Variants in EIF2AK4 observed in about 807,000 individuals in gnomAD.
EIF2AK4 encodes the protein eIF-2-alpha kinase GCN2.
Under a neutral mutation model 211.1 loss-of-function variants are expected in EIF2AK4, and 139 were observed. The observed-to-expected ratio is 0.66, with a 90% CI of 0.57 to 0.76. The LOEUF is 0.76. EIF2AK4 is among the 30% of genes least tolerant of loss of function. The probability of loss-of-function intolerance (pLI) is 0.00; values close to 1 mark genes in which losing one functional copy is unlikely to be tolerated. For missense variants in EIF2AK4, 1,664 were observed against 2,043.8 expected (o/e 0.81, Z 3.58); for synonymous variants, 710 against 751.3 (o/e 0.94, Z 0.90).
chr15:39,945,333 A>G (rs1014291130), intron 3 of EIF2AK4, among the ~76,000 whole-genome samples: 3 of 152,088 alleles, frequency 2.0e-5, no homozygotes, highest in African/African-American at 4.8e-5. Context: ...CCTCTTACCC[A>G]GTTTGCCCCG....
intron 2 of EIF2AK4, among the ~76,000 whole-genome samples, chr15:39,941,673 C>G (rs2034146572): frequency 6.6e-6 from 1 of 152,134 alleles, no homozygotes; most frequent in African/African-American, 2.4e-5. Flanking sequence ...GTTTCTCCAC[C>G]TTGGCACTAC....
At position 39,962,964 on chromosome 15, in the gene EIF2AK4, T is replaced by G. The variant is rs114306958; in HGVS notation, c.859+1065T>G. Among the ~76,000 whole-genome samples, 343 of 152,348 alleles carry G rather than the reference T, an allele frequency of 2.3e-3. 3 individuals are homozygous for G. The highest frequency in any genetic ancestry group is 7.9e-3 in the African/African-American group (329 of 41,586). On this transcript the variant is annotated intron_variant, in intron 7 of 38. Coordinates refer to ENST00000263791, the MANE Select transcript of EIF2AK4 (RefSeq NM_001013703.4). ...GCATATTTTTGCCAGAAGTAACAGGTAGCCAAATTATGTGAAATGAGTTTG... is the reference window on the plus strand; with the variant it reads ...GCATATTTTTGCCAGAAGTAACAGGGAGCCAAATTATGTGAAATGAGTTTG...
intron 26 of EIF2AK4, among the ~76,000 whole-genome samples, chr15:40,011,020 G>A (rs533561431): frequency 6.6e-6 from 1 of 152,250 alleles, no homozygotes; most frequent in African/African-American, 2.4e-5. Flanking sequence ...GTCCAGATTT[G>A]GGTCACCTCA....
At chr15:39,992,001 G>A (rs1482310067) in intron 16 of EIF2AK4, 174 bp from the exon 17 acceptor site, 8 of 525,070 alleles carry the variant, frequency 1.5e-5, no homozygotes, top group Non-Finnish European at 2.6e-5. Flanking sequence ...GGTTTTCTGA[G>A]AGCCTTGCAT....
chr15:39,953,578 G>A (rs489508), intron 4 of EIF2AK4, among the ~76,000 whole-genome samples: 44,821 of 152,138 alleles, frequency 0.29, 7,895 homozygotes, highest in Non-Finnish European at 0.41. Flanking sequence ...ATATCAAACA[G>A]GAGGAGCTAA....
intron 6 of EIF2AK4, among the ~76,000 whole-genome samples, chr15:39,960,678 G>A (rs1299065401): frequency 1.3e-5 from 2 of 152,054 alleles, no homozygotes; most frequent in African/African-American, 2.4e-5. Context: ...TTTATAGGCT[G>A]GTGGGAGGGA....
chr15:39,957,746 AG>A (rs2034411017), intron 6 of EIF2AK4, among the ~76,000 whole-genome samples: 1 of 152,304 alleles, frequency 6.6e-6, no homozygotes, highest in Non-Finnish European at 1.5e-5. Context: ...GGAGGGAGCC[AG>A]GGAGGGAAGA....
chr15:40,029,511 G>T (rs1479300502), intron 34 of EIF2AK4, 47 bp downstream of exon 34: 7 of 1,568,322 alleles, frequency 4.5e-6, no homozygotes, highest in South Asian at 1.1e-5. Context: ...TTATATGTTT[G>T]CTCTAAGCAC....
Position 39,972,968 on chromosome 15 carries a change from T to C in EIF2AK4, c.1614T>C (p.Phe538=). The change falls in exon 10 of 39, where the codon TTT becomes TTC. Residue 538 remains phenylalanine, a synonymous_variant. Transcript: ENST00000263791. The part of the protein sequence containing the change: ...WSPQQLLKHS[F]INPQPKMPLV... ...CCCAGCAGTTGTTGAAACACAGCTT[T>C]ATAAATCCCCAGCCAAAAATGCCTC... is the stretch of plus-strand genomic sequence containing the variant. 4 of 1,614,114 alleles carry C rather than the reference T, an allele frequency of 2.5e-6. No homozygotes were observed. Among genetic ancestry groups the C allele is most frequent in the Non-Finnish European group, 3.4e-6 (4 of 1,180,000 alleles).
chr15:40,016,848 T>G (rs567692662), intron 28 of EIF2AK4, among the ~76,000 whole-genome samples, 176 bp downstream of exon 28: 1 of 152,252 alleles, frequency 6.6e-6, no homozygotes, highest in Non-Finnish European at 1.5e-5. Flanking sequence ...TCAGGATTTC[T>G]TTGCAAGTGC....
rs1017168598 is a variant in EIF2AK4, at chr15:39,990,148, C to T, written c.2527-125C>T. 5.1e-5 allele frequency: 42 copies of T among 825,104 alleles called. No homozygotes were observed. The Admixed American group carries it at 5.5e-4, about 11-fold the overall frequency. 51.1% of individuals were successfully genotyped at this position (825,104 alleles called of 1,614,324 possible). ...TATTGCAGAGGCCAGACAGCCTGGA[C>T]CAGGGTGGTCTGTGGGAGAAGACCT... On this transcript the variant is annotated intron_variant, in intron 15 of 38. Transcript: ENST00000263791.
At chr15:39,968,733 A>G (rs2034578810) in intron 9 of EIF2AK4, among the ~76,000 whole-genome samples, 1 of 151,768 alleles carries the variant, frequency 6.6e-6, no homozygotes, top group South Asian at 2.1e-4. Context: ...TACCCTTCAC[A>G]TTTCTTTCCC....
Position 39,965,809 on chromosome 15 carries a change from A to G in EIF2AK4, c.983A>G (p.Gln328Arg). The G allele has an allele frequency of 6.2e-7, 1 of 1,614,094 alleles. No individual in the cohort carries two copies. Among genetic ancestry groups the G allele is most frequent in the Non-Finnish European group, 8.5e-7 (1 of 1,179,954 alleles). The change falls in exon 8 of 39, where the codon CAA (glutamine) becomes CGA (arginine). Residue 328 changes from glutamine (Q) to arginine (R), a missense_variant. Gln to Arg is a conservative substitution (Grantham distance 43). Transcript: ENST00000263791. ...QKKMGPFLTS[Q>R]EKEKIDKCKK... is the part of the protein sequence containing the mutation. Reference sequence around the variant, plus strand: ...AAAATGGGTCCATTCCTTACCAGTCAAGAAAAAGAGAAGATTGATAAGTGC... The same window carrying G: ...AAAATGGGTCCATTCCTTACCAGTCGAGAAAAAGAGAAGATTGATAAGTGC...
At position 39,949,253 on chromosome 15, in the gene EIF2AK4, G is replaced by A; in HGVS notation, c.498G>A (p.Arg166=). The A allele has an allele frequency of 6.2e-7, 1 of 1,614,054 alleles. No homozygotes were observed. The change falls in exon 4 of 39, where the codon CGG becomes CGA. Residue 166 remains arginine, a synonymous_variant. Transcript: ENST00000263791. ...EEQQRLLEAK[R]KEEQEQREIL... ...AGCAGAGGCTGTTGGAGGCCAAGCG[G>A]AAAGAAGAGCAGGAGGTGAGATGCC...
intron 26 of EIF2AK4, among the ~76,000 whole-genome samples, chr15:40,010,377 C>T (rs568481008): frequency 6.4e-4 from 97 of 152,296 alleles, no homozygotes; most frequent in Middle Eastern, 6.8e-3. Flanking sequence ...TTACCACCTC[C>T]TTCCTGTGGG....
At position 39,961,815 on chromosome 15, in the gene EIF2AK4, G is replaced by A; in HGVS notation, c.775G>A (p.Glu259Lys). The A allele has an allele frequency of 3.1e-6, 5 of 1,614,116 alleles. No homozygotes were observed. The highest frequency in any genetic ancestry group is 4.2e-6 in the Non-Finnish European group (5 of 1,179,962). The change falls in exon 7 of 39, where the codon GAA becomes AAA. Residue 259 changes from glutamate (E) to lysine (K), a missense_variant. By Grantham distance (56) the Glu-to-Lys change is moderately conservative. Around this residue, in one of 7 missense-constraint regions of EIF2AK4, gnomAD observed 641 missense variants for 729.6 expected, o/e 0.88. Transcript: ENST00000263791. ...ACGTCAGTATTCTGTATGTAATAGT[G>A]AAGATTCTCCTGGCTCTTGTGAAAT... is the stretch of plus-strand genomic sequence containing the variant. ...RERQYSVCNS[E>K]DSPGSCEILY...
Position 40,004,140 on chromosome 15 carries a change from A to T in EIF2AK4, c.3357+826A>T, listed in dbSNP as rs116429868. Among the ~76,000 whole-genome samples the T allele has an allele frequency of 2.4e-3, 362 of 152,362 alleles. 2 individuals carry two copies. Among genetic ancestry groups the T allele is most frequent in the African/African-American group, 8.4e-3 (349 of 41,590 alleles). On this transcript the variant is annotated intron_variant, in intron 23 of 38. Coordinates refer to ENST00000263791, the MANE Select transcript of EIF2AK4 (RefSeq NM_001013703.4). ...GGAGTGTAGGAAAGTAGGTATTTTC[A>T]TATGTTGCTGATGGGAATGTGGACT... is the stretch of plus-strand genomic sequence containing the variant.
At chr15:40,020,293 A>G (rs1212587230) in intron 30 of EIF2AK4, among the ~76,000 whole-genome samples, 1 of 151,324 alleles carries the variant, frequency 6.6e-6, no homozygotes, top group African/African-American at 2.4e-5. Context: ...TATTTTCCAG[A>G]TGGCTCAGGG....
chr15:39,976,924 A>G, intron 12 of EIF2AK4, 80 bp downstream of exon 12: 4 of 1,185,506 alleles, frequency 3.4e-6, no homozygotes, highest in Non-Finnish European at 4.4e-6. Context: ...TTTTCCTTTC[A>G]TTTCCTTCCT....
Sources: allele counts gnomAD v4.1 joint callset (sites outside exome capture counted in the v4.1 genomes callset), GRCh38; gene constraint gnomAD v4.1.1; regional missense constraint gnomAD v4.1.1; transcripts MANE v1.5; gene names NCBI Gene and HGNC (gene_info 2026-07-23, HGNC 2026-07-21).